The following ADCY8 variants were observed in gnomAD, a reference collection of about 807,000 sequenced individuals.
The protein encoded by ADCY8 is adenylate cyclase type 8.
In ADCY8, 51 loss-of-function variants were observed where a neutral mutation model predicts 119.7. That is an observed-to-expected ratio of 0.43 (90% CI 0.34 to 0.54). The LOEUF (loss-of-function observed/expected upper bound fraction) is 0.54. ADCY8 is among the 20% of genes least tolerant of loss of function. The pLI is 0.03. For synonymous variants in ADCY8, 665 were observed against 651.0 expected (o/e 1.02, Z -0.33); for missense variants, 1,383 against 1,598.8 (o/e 0.87, Z 2.30).
chr8:130,917,600 A>C (rs577714486), intron 5 of ADCY8, among the ~76,000 whole-genome samples: 8 of 152,174 alleles, frequency 5.3e-5, no homozygotes, highest in Non-Finnish European at 1.0e-4. Flanking sequence ...CCGGAATCTT[A>C]GAAGAACAAT....
chr8:130,923,503 C>T (rs1440871883), intron 5 of ADCY8, among the ~76,000 whole-genome samples: 1 of 152,330 alleles, frequency 6.6e-6, no homozygotes, highest in East Asian at 1.9e-4. Context: ...TGCTGTCATT[C>T]CTATGACTTT....
At chr8:130,906,857 T>A (rs953562437) in intron 6 of ADCY8, among the ~76,000 whole-genome samples, 4 of 151,620 alleles carry the variant, frequency 2.6e-5, no homozygotes, top group East Asian at 1.9e-4. Flanking sequence ...TTATCTCATA[T>A]AATTTCCGTT....
At chr8:131,020,799 C>A (rs895546294) in intron 1 of ADCY8, among the ~76,000 whole-genome samples, 2 of 152,162 alleles carry the variant, frequency 1.3e-5, no homozygotes, top group African/African-American at 4.8e-5. Context: ...AGGCCTGGTG[C>A]ACTTTCAAAG....
chr8:130,941,306 A>G (rs1319304379), intron 4 of ADCY8, among the ~76,000 whole-genome samples: 1 of 152,078 alleles, frequency 6.6e-6, no homozygotes, highest in Admixed American at 6.6e-5. Flanking sequence ...CCCTTGCCAG[A>G]TTCTGAGCAT....
At chr8:130,814,881 A>T (rs1277843325) in intron 13 of ADCY8, among the ~76,000 whole-genome samples, 4 of 152,138 alleles carry the variant, frequency 2.6e-5, no homozygotes, top group African/African-American at 9.7e-5. Context: ...AAACCATATC[A>T]TATCGTCAGA....
intron 3 of ADCY8, 59 bp from the exon 4 acceptor site, chr8:130,943,521 T>A: frequency 9.5e-7 from 1 of 1,052,584 alleles, no homozygotes; most frequent in Non-Finnish European, 1.4e-6. Flanking sequence ...TTTTAGTCCA[T>A]CTTGGGATAC....
chr8:130,872,894 G>A (rs534052322), intron 8 of ADCY8, among the ~76,000 whole-genome samples: 1 of 152,298 alleles, frequency 6.6e-6, no homozygotes, highest in Non-Finnish European at 1.5e-5. Context: ...GGATAAACTT[G>A]TGTTTCATTT....
At chr8:130,962,886 C>T (rs1422476589) in intron 2 of ADCY8, among the ~76,000 whole-genome samples, 1 of 152,112 alleles carries the variant, frequency 6.6e-6, no homozygotes. Flanking sequence ...TCTGGAGTTA[C>T]AAAAAATATC....
intron 12 of ADCY8, among the ~76,000 whole-genome samples, chr8:130,825,811 G>C (rs962809223): frequency 2.6e-5 from 4 of 152,170 alleles, no homozygotes; most frequent in Non-Finnish European, 5.9e-5. Context: ...GACCTTGATT[G>C]ATTTACTCTG....
chr8:130,860,627 T>G (rs1417531643), intron 9 of ADCY8, among the ~76,000 whole-genome samples: 1 of 152,160 alleles, frequency 6.6e-6, no homozygotes, highest in Non-Finnish European at 1.5e-5. Flanking sequence ...ATTTCTTAAT[T>G]TATTTTTTTA....
chr8:130,854,041 G>T (rs1817628367), intron 9 of ADCY8, among the ~76,000 whole-genome samples: 1 of 152,156 alleles, frequency 6.6e-6, no homozygotes, highest in African/African-American at 2.4e-5. Flanking sequence ...AAGTTCTATG[G>T]CAAGGGTATT....
intron 11 of ADCY8, among the ~76,000 whole-genome samples, chr8:130,844,421 A>C (rs942136687): frequency 6.6e-6 from 1 of 152,106 alleles, no homozygotes; most frequent in Non-Finnish European, 1.5e-5. Flanking sequence ...TAAAAGCCTC[A>C]TTTTTTGTAT....
chr8:131,009,354 A>G (rs1823227615), intron 1 of ADCY8, among the ~76,000 whole-genome samples: 1 of 152,178 alleles, frequency 6.6e-6, no homozygotes, highest in African/African-American at 2.4e-5. Flanking sequence ...CCATTGCTTG[A>G]GAGAGTGACC....
intron 2 of ADCY8, among the ~76,000 whole-genome samples, chr8:130,988,479 G>C (rs542767902): frequency 1.3e-5 from 2 of 152,126 alleles, no homozygotes; most frequent in African/African-American, 4.8e-5. Context: ...TGTTTGTATT[G>C]CTTTCTACAT....
At chr8:130,875,410 A>T (rs145144552) in intron 8 of ADCY8, among the ~76,000 whole-genome samples, 23 of 152,326 alleles carry the variant, frequency 1.5e-4, no homozygotes, top group African/African-American at 4.8e-4. Context: ...TGACTAGGAG[A>T]TATGTGATTT....
chr8:130,790,158 T>C (rs1815380594), intron 15 of ADCY8, among the ~76,000 whole-genome samples: 1 of 152,118 alleles, frequency 6.6e-6, no homozygotes, highest in Non-Finnish European at 1.5e-5. Context: ...CTGGAGTTAA[T>C]GTGGATTTGA....
At chr8:130,868,206 A>G (rs1477361188) in intron 8 of ADCY8, among the ~76,000 whole-genome samples, 1 of 152,164 alleles carries the variant, frequency 6.6e-6, no homozygotes, top group African/African-American at 2.4e-5. Context: ...ACATTATTTT[A>G]ACAGAACAGA....
At chr8:130,795,697 T>G (rs1246712330) in intron 15 of ADCY8, among the ~76,000 whole-genome samples, 1 of 152,154 alleles carries the variant, frequency 6.6e-6, no homozygotes, top group Non-Finnish European at 1.5e-5. Context: ...TCAAAATTAA[T>G]CAGGGGCTAA....
intron 1 of ADCY8, among the ~76,000 whole-genome samples, chr8:131,024,493 C>T (rs578253755): frequency 2.6e-5 from 4 of 152,240 alleles, no homozygotes; most frequent in African/African-American, 7.2e-5. Flanking sequence ...GTGCCAAAGT[C>T]GGGCTCCAGG....
Sources: allele counts gnomAD v4.1 joint callset (sites outside exome capture counted in the v4.1 genomes callset), GRCh38; gene constraint gnomAD v4.1.1; transcripts MANE v1.5; gene names NCBI Gene and HGNC (gene_info 2026-07-23, HGNC 2026-07-21).